PAX3: variants seen among roughly 807,000 people sequenced by gnomAD.
PAX3 encodes paired box protein Pax-3.
A neutral mutation model predicts 51.6 loss-of-function variants in PAX3; 14 were observed. The observed-to-expected ratio is 0.27, with a 90% CI of 0.18 to 0.42. PAX3 has a LOEUF of 0.42. Ranked by LOEUF, PAX3 falls within the 10% of genes least tolerant of loss-of-function variation. The pLI is 1.00. For missense variants in PAX3, 540 were observed against 642.8 expected, an observed-to-expected ratio of 0.84 and a Z score of 1.73; for synonymous variants, 280 against 253.4, an observed-to-expected ratio of 1.11 and a Z score of -1.00.
At chr2:222,272,769 T>C (rs1008042623) in intron 4 of PAX3, among the ~76,000 whole-genome samples, 1 of 152,234 alleles carries the variant, frequency 6.6e-6, no homozygotes, top group African/African-American at 2.4e-5. Flanking sequence ...CAGCACTTGA[T>C]TCCTTTTGTC....
intron 4 of PAX3, among the ~76,000 whole-genome samples, chr2:222,278,039 T>G (rs1056819545): frequency 3.3e-5 from 5 of 151,878 alleles, no homozygotes; most frequent in African/African-American, 4.8e-5. Context: ...CGAAGACAAT[T>G]AGTCTTCTTC....
intron 4 of PAX3, among the ~76,000 whole-genome samples, chr2:222,247,326 T>C (rs1421829842): frequency 6.6e-6 from 1 of 152,100 alleles, no homozygotes; most frequent in East Asian, 1.9e-4. Flanking sequence ...GGAAGACAAA[T>C]CCCAGGTAAC....
At chr2:222,261,557 C>G (rs891791085) in intron 4 of PAX3, among the ~76,000 whole-genome samples, 5 of 149,006 alleles carry the variant, frequency 3.4e-5, no homozygotes, top group African/African-American at 1.2e-4. Context: ...TGAGGCAGAA[C>G]AGAGGGTGGG....
At chr2:222,274,387 C>A (rs755859339) in intron 4 of PAX3, among the ~76,000 whole-genome samples, 11 of 151,856 alleles carry the variant, frequency 7.2e-5, no homozygotes, top group Non-Finnish European at 1.5e-4. Context: ...AAATAATCAT[C>A]TTCGTACTTT....
At chr2:222,244,615 C>G (rs1693146989) in intron 4 of PAX3, among the ~76,000 whole-genome samples, 1 of 151,808 alleles carries the variant, frequency 6.6e-6, no homozygotes. Context: ...GAAAAATCAC[C>G]ACCAAAGCTT....
At chr2:222,207,923 T>C (rs926828455) in intron 7 of PAX3, among the ~76,000 whole-genome samples, 1 of 151,962 alleles carries the variant, frequency 6.6e-6, no homozygotes, top group African/African-American at 2.4e-5. Flanking sequence ...TTTTGTATGA[T>C]ATAAAGGGTT....
At chr2:222,221,183 G>A (rs1692177499) in intron 6 of PAX3, 39 bp downstream of exon 6, 1 of 1,598,152 alleles carries the variant, frequency 6.3e-7, no homozygotes, top group African/African-American at 1.3e-5. Flanking sequence ...GAAATCGCCT[G>A]GAAGTTACTT....
intron 4 of PAX3, chr2:222,293,586 G>T: frequency 6.3e-7 from 1 of 1,591,764 alleles, no homozygotes; most frequent in Non-Finnish European, 8.6e-7. Context: ...GGCACACACA[G>T]GTTAAACCCC....
At chr2:222,204,406 T>C (rs1173428240) in intron 7 of PAX3, among the ~76,000 whole-genome samples, 1 of 152,220 alleles carries the variant, frequency 6.6e-6, no homozygotes, top group African/African-American at 2.4e-5. Context: ...ATGATTTCTA[T>C]ATAAGTGTAT....
chr2:222,264,818 C>T (rs1055396842), intron 4 of PAX3: 3 of 152,244 alleles, frequency 2.0e-5, no homozygotes, highest in African/African-American at 7.2e-5. Flanking sequence ...CTGAGGCATT[C>T]TGGTGACAGG....
chr2:222,200,128 G>A lies in PAX3; in HGVS notation c.*1280C>T, dbSNP rs370203121. 136 of 213,594 alleles carry A rather than the reference G, an allele frequency of 6.4e-4. No individual in the cohort carries two copies. The highest frequency in any genetic ancestry group is 1.0e-3 in the Non-Finnish European group (110 of 105,242). The allele number at this position is 213,594 out of a possible 1,614,324, so 13.2% of individuals were successfully genotyped here. ...GAATGTATTTGTGCCTACCTCATTC[G>A]TGGTTCCAAGAATAGAAAGAAATAA... On this transcript the variant is annotated 3_prime_UTR_variant, in exon 9 of 9. Transcript: ENST00000392070.
At chr2:222,217,095 A>G (rs1691991886) in intron 7 of PAX3, among the ~76,000 whole-genome samples, 1 of 152,210 alleles carries the variant, frequency 6.6e-6, no homozygotes, top group African/African-American at 2.4e-5. Flanking sequence ...TTATGTTTCT[A>G]AAGGAGGCAT....
rs45608838 is a variant in PAX3 at position 222,200,685 on chromosome 2, C to T, written c.*723G>A. The stretch of plus-strand genomic sequence containing the variant: ...AACTGGAAAAACGTCACACACCTCT[C>T]CCCACACAGGAAAGGGAAACAAGTC... On this transcript the variant is annotated 3_prime_UTR_variant, in exon 9 of 9. Coordinates refer to ENST00000392070, the MANE Select transcript of PAX3 (RefSeq NM_181458.4). The T allele has an allele frequency of 0.071, 18,638 of 261,078 alleles. 1,038 individuals are homozygous for T. The highest frequency in any genetic ancestry group is 0.19 in the Admixed American group (3,944 of 20,962). The allele number at this position is 261,078 out of a possible 1,614,324, so 16.2% of individuals were successfully genotyped here. A position where few individuals can be genotyped will look rare whatever the true frequency, so the allele number is the denominator to read the frequency against.
Position 222,295,630 on chromosome 2 carries a change from T to C in PAX3, c.349A>G (p.Lys117Glu). ...TTCTCTCTTTTGTATTCCTCAATTT[T>C]CTTCTCCACGTCAGGCGTTGTCACC... ...KQVTTPDVEK[K>E]IEEYKRENPG... Residue 117 changes from lysine to glutamate, a missense_variant, in exon 3 of 9, where the codon AAA becomes GAA. Around this residue, in one of 3 missense-constraint regions of PAX3, gnomAD observed 427 missense variants for 483.6 expected, o/e 0.88. Coordinates refer to ENST00000392070, the MANE Select transcript of PAX3 (RefSeq NM_181458.4). 1 of 1,614,210 alleles carries C rather than the reference T, an allele frequency of 6.2e-7. No homozygotes were observed. The highest frequency in any genetic ancestry group is 8.5e-7 in the Non-Finnish European group (1 of 1,180,024).
At chr2:222,228,967 A>C (rs1259707744) in intron 5 of PAX3, among the ~76,000 whole-genome samples, 1 of 152,018 alleles carries the variant, frequency 6.6e-6, no homozygotes, top group African/African-American at 2.4e-5. Flanking sequence ...AACAAACAAA[A>C]AAGCAGATCT....
chr2:222,237,762 T>C (rs1036480856), intron 4 of PAX3, among the ~76,000 whole-genome samples: 5 of 152,240 alleles, frequency 3.3e-5, no homozygotes. Context: ...AATCATAAGC[T>C]GGTGAACTGA....
At chr2:222,247,966 C>T (rs567758405) in intron 4 of PAX3, among the ~76,000 whole-genome samples, 2 of 152,094 alleles carry the variant, frequency 1.3e-5, no homozygotes, top group South Asian at 2.1e-4. Flanking sequence ...ATAAAAGAAC[C>T]TGCCCAAAGT....
intron 4 of PAX3, among the ~76,000 whole-genome samples, chr2:222,288,116 T>A (rs952277041): frequency 1.3e-5 from 2 of 152,222 alleles, no homozygotes; most frequent in African/African-American, 2.4e-5. Context: ...TATGCAAATA[T>A]ATTGTGTTCT....
At chr2:222,261,437 T>C (rs1369419357) in intron 4 of PAX3, among the ~76,000 whole-genome samples, 1 of 152,152 alleles carries the variant, frequency 6.6e-6, no homozygotes, top group African/African-American at 2.4e-5. Context: ...TCAATTTGTA[T>C]GGAACATTAC....
Sources: allele counts gnomAD v4.1 joint callset (sites outside exome capture counted in the v4.1 genomes callset), GRCh38; gene constraint gnomAD v4.1.1; regional missense constraint gnomAD v4.1.1; transcripts MANE v1.5; gene names NCBI Gene and HGNC (gene_info 2026-07-23, HGNC 2026-07-21).